The following CCDC33 variants were observed in gnomAD, a reference collection of about 807,000 sequenced individuals.
CCDC33 encodes the protein coiled-coil domain containing 33.
In CCDC33, 94 loss-of-function variants were observed where a neutral mutation model predicts 91.9. That is an observed-to-expected ratio of 1.02 (90% CI 0.87 to 1.21). The LOEUF (loss-of-function observed/expected upper bound fraction) is 1.21. Ranked by LOEUF, CCDC33 falls within the 50% of genes most tolerant of loss-of-function variation. The pLI is 0.00. For synonymous variants in CCDC33, 396 were observed against 374.5 expected (o/e 1.06, Z -0.66); for missense variants, 940 against 935.5 (o/e 1.00, Z -0.06).
chr15:74,268,280 C>A lies in CCDC33; in HGVS notation c.430-62C>A, dbSNP rs1033821665. 2.0e-5 allele frequency: 24 copies of A among 1,200,648 alleles called. No homozygotes were observed. In the African/African-American group the frequency reaches 2.7e-4, roughly 13 times the overall value. The allele number at this position is 1,200,648 out of a possible 1,614,324, so 74.4% of individuals were successfully genotyped here. On this transcript the variant is annotated intron_variant, in intron 4 of 18. Transcript: ENST00000398814. Reference sequence around the variant, plus strand: ...TGTCTGCAGAGGGCTGGATTTATGGCCAGGATCTGCCCCTTAGACACTCTC... The same window carrying A: ...TGTCTGCAGAGGGCTGGATTTATGGACAGGATCTGCCCCTTAGACACTCTC...
At chr15:74,278,710 C>T (rs78444324) in intron 7 of CCDC33, among the ~76,000 whole-genome samples, 3,923 of 152,372 alleles carry the variant, frequency 0.026, 58 homozygotes, top group South Asian at 0.061. Flanking sequence ...CCAGACCTTC[C>T]TTCAGAGCCT....
upstream of CCDC33, among the ~76,000 whole-genome samples, chr15:74,232,798 G>A (rs574982043): frequency 1.8e-4 from 27 of 152,306 alleles, no homozygotes; most frequent in South Asian, 8.3e-4. Flanking sequence ...TCCCCCAGAC[G>A]TGCTTGCTTT....
rs200432842 is a variant in CCDC33, at chr15:74,331,262, T to C, written c.1737T>C (p.Pro579=). Reference sequence around the variant, plus strand: ...GGCTGCAGGACAGGAGCAAGCCCCCTCCTCTGAACAGGCAGCAGGGAAAGC... The same window carrying C: ...GGCTGCAGGACAGGAGCAAGCCCCCCCCTCTGAACAGGCAGCAGGGAAAGC... ...EDRLQDRSKP[P]PLNRQQGKPY... is the part of the protein sequence containing the mutation. The change falls in exon 15 of 19, where the codon CCT becomes CCC. Residue 579 remains proline, a synonymous_variant. Transcript: ENST00000398814. The C allele has an allele frequency of 6.1e-5, 98 of 1,614,012 alleles. No individual in the cohort carries two copies. In the African/African-American group the frequency reaches 1.1e-3, roughly 18 times the overall value.
Position 74,316,501 on chromosome 15 carries a change from C to T in CCDC33, c.1291-13688C>T, listed in dbSNP as rs1190163499. On this transcript the variant is annotated intron_variant, in intron 11 of 18. Transcript: ENST00000398814. This position sits in a 1 kb window ranked among gnomAD's most constrained non-coding sequence, Gnocchi z 4.7. ...CACAGCAGGCAGGGGAGGACAGGGC[C>T]CCTTGCAGGGAGGGGTGGTGAAGCC... is the stretch of plus-strand genomic sequence containing the variant. Among the ~76,000 whole-genome samples, 3 of 152,168 alleles carry T rather than the reference C, an allele frequency of 2.0e-5. No homozygotes were observed. The highest frequency in any genetic ancestry group is 2.9e-5 in the Non-Finnish European group (2 of 68,030).
chr15:74,311,786 C>G (rs1188644964), intron 11 of CCDC33: 1 of 152,202 alleles, frequency 6.6e-6, no homozygotes, highest in East Asian at 1.9e-4. Flanking sequence ...AGCAGTCACT[C>G]ATATTAGCCA....
chr15:74,246,491 A>G (rs1342114161), intron 2 of CCDC33, among the ~76,000 whole-genome samples: 1 of 152,254 alleles, frequency 6.6e-6, no homozygotes, highest in African/African-American at 2.4e-5. Context: ...CAAGTAACCC[A>G]ATTTAAAAAA....
At chr15:74,251,469 T>A (rs1345473856) in intron 2 of CCDC33, among the ~76,000 whole-genome samples, 1 of 152,148 alleles carries the variant, frequency 6.6e-6, no homozygotes, top group African/African-American at 2.4e-5. Context: ...GCCTGTGGGG[T>A]TCTGACCCTT....
intron 5 of CCDC33, 57 bp downstream of exon 5, chr15:74,268,515 G>A: frequency 7.6e-7 from 1 of 1,323,912 alleles, no homozygotes; most frequent in South Asian, 1.2e-5. Context: ...GCCAAGCTTT[G>A]AGCAGGCCCC....
chr15:74,221,595 T>C (rs2074599141), intron 2 of CCDC33: 1 of 152,168 alleles, frequency 6.6e-6, no homozygotes, highest in Non-Finnish European at 1.5e-5. Context: ...CTGCTCTGTG[T>C]GGGTGGGGAG....
intron 1 of CCDC33, chr15:74,209,370 C>T: frequency 6.5e-7 from 1 of 1,535,424 alleles, no homozygotes; most frequent in Non-Finnish European, 8.7e-7. Context: ...TCCATTTGTC[C>T]CCATCCATCA....
intron 2 of CCDC33, among the ~76,000 whole-genome samples, chr15:74,249,445 G>A (rs1470665120): frequency 2.6e-5 from 4 of 151,936 alleles, no homozygotes; most frequent in Non-Finnish European, 5.9e-5. Flanking sequence ...CTGAGATCAA[G>A]CAACTGCACT....
intron 10 of CCDC33, among the ~76,000 whole-genome samples, chr15:74,288,466 C>G (rs928766994): frequency 6.6e-6 from 1 of 152,204 alleles, no homozygotes; most frequent in Non-Finnish European, 1.5e-5. Flanking sequence ...CTCCCTCTCT[C>G]TGAATACATT....
chr15:74,254,581 T>C (rs1349461929), intron 2 of CCDC33, among the ~76,000 whole-genome samples: 2 of 152,102 alleles, frequency 1.3e-5, no homozygotes, highest in Non-Finnish European at 2.9e-5. Context: ...CATTCTCCTT[T>C]CTTGAAGCCC....
At chr15:74,290,301 C>T (rs1011528071) in intron 10 of CCDC33, among the ~76,000 whole-genome samples, 1 of 152,014 alleles carries the variant, frequency 6.6e-6, no homozygotes, top group African/African-American at 2.4e-5. Context: ...CCTTAGTCTC[C>T]CCAGTAGCTG....
Position 74,330,360 on chromosome 15 carries a change from G to A in CCDC33, c.1456+6G>A. The A allele has an allele frequency of 6.3e-7, 1 of 1,581,436 alleles. No individual in the cohort carries two copies. Among genetic ancestry groups the A allele is most frequent in the Non-Finnish European group, 8.6e-7 (1 of 1,163,534 alleles). On this transcript the variant is annotated splice_donor_region_variant and intron_variant, in intron 12 of 18. Transcript: ENST00000398814. The stretch of plus-strand genomic sequence containing the variant: ...CAGTGAGGCCCAGAACACGGGTGAG[G>A]ATGTGCAGGCCACCAAGGGCACCCG...
intron 3 of CCDC33, among the ~76,000 whole-genome samples, chr15:74,263,303 C>T (rs1405018418): frequency 6.6e-6 from 1 of 152,288 alleles, no homozygotes; most frequent in Admixed American, 6.5e-5. Flanking sequence ...TCTGGCACTG[C>T]CAGCACAGAC....
chr15:74,319,858 C>A (rs1034468744), intron 11 of CCDC33, among the ~76,000 whole-genome samples: 4 of 152,194 alleles, frequency 2.6e-5, no homozygotes, highest in African/African-American at 9.7e-5. Flanking sequence ...TGCCACCCCT[C>A]CAAGCTTCAC....
At chr15:74,249,629 G>A (rs966768656) in intron 2 of CCDC33, among the ~76,000 whole-genome samples, 8 of 152,118 alleles carry the variant, frequency 5.3e-5, no homozygotes. Flanking sequence ...ATCAATAGGT[G>A]ACATCTGGGA....
intron 11 of CCDC33, chr15:74,300,945 C>G (rs1234147863): frequency 1.3e-5 from 2 of 152,224 alleles, no homozygotes; most frequent in Non-Finnish European, 2.9e-5. Flanking sequence ...CAACATGGTA[C>G]AAAACTCTGG....
Sources: gnomAD v4.1 joint callset for allele counts (sites outside exome capture counted in the v4.1 genomes callset) on GRCh38, gnomAD v4.1.1 for gene constraint, Gnocchi (gnomAD v3.1) non-coding constraint, MANE v1.5 for transcripts, NCBI Gene and HGNC (gene_info 2026-07-23, HGNC 2026-07-21) for gene names.